Variants in KHDRBS2 observed in about 807,000 individuals in gnomAD.
KHDRBS2 encodes KH RNA binding domain containing, signal transduction associated 2, also known as KH domain-containing, RNA-binding, signal transduction-associated protein 2.
Under a neutral mutation model 44.3 loss-of-function variants are expected in KHDRBS2, and 26 were observed. The ratio of observed to expected loss-of-function variants is 0.59; its 90% CI spans 0.43 to 0.81. The LOEUF (loss-of-function observed/expected upper bound fraction) is 0.81, where lower values mean the gene tolerates loss of function less well. Among genes scored for constraint, KHDRBS2 ranks in the 40% least tolerant of loss-of-function variants. KHDRBS2 has a pLI of 0.00. For synonymous variants in KHDRBS2, 194 were observed against 151.1 expected, an observed-to-expected ratio of 1.28 and a Z score of -2.08; for missense variants, 476 against 433.1, an observed-to-expected ratio of 1.10 and a Z score of -0.88.
chr6:61,829,029 A>G (rs1166580150), intron 6 of KHDRBS2, among the ~76,000 whole-genome samples: 1 of 152,270 alleles, frequency 6.6e-6, no homozygotes, highest in East Asian at 1.9e-4. Context: ...CTTTAACTCC[A>G]GAGAGTTATA....
intron 4 of KHDRBS2, among the ~76,000 whole-genome samples, chr6:61,902,825 C>T (rs1370862636): frequency 6.6e-6 from 1 of 151,698 alleles, no homozygotes; most frequent in Non-Finnish European, 1.5e-5. Flanking sequence ...TAGGGTCACC[C>T]ACACACCTCT....
At chr6:61,769,280 G>C (rs2127575543) in intron 6 of KHDRBS2, among the ~76,000 whole-genome samples, 1 of 152,176 alleles carries the variant, frequency 6.6e-6, no homozygotes. Flanking sequence ...TGAGGTACCG[G>C]GTTCATCTCA....
At chr6:61,706,712 A>T (rs954721703) in intron 7 of KHDRBS2, among the ~76,000 whole-genome samples, 5 of 151,810 alleles carry the variant, frequency 3.3e-5, no homozygotes, top group African/African-American at 1.2e-4. Flanking sequence ...TACCACTTAG[A>T]TATGTTGGAA....
At chr6:61,702,440 C>A (rs1441914291) in intron 7 of KHDRBS2, among the ~76,000 whole-genome samples, 5 of 151,906 alleles carry the variant, frequency 3.3e-5, no homozygotes, top group Non-Finnish European at 5.9e-5. Context: ...CTTGTTTGAG[C>A]CACTGAATTG....
At chr6:62,133,917 C>T (rs1379298593) in intron 2 of KHDRBS2, among the ~76,000 whole-genome samples, 1 of 152,102 alleles carries the variant, frequency 6.6e-6, no homozygotes, top group African/African-American at 2.4e-5. Context: ...GCAAAGCATT[C>T]AAGAGGTGAC....
At position 61,916,965 on chromosome 6, in the gene KHDRBS2, A is replaced by ATTTTTTTTTTTTTTT. The variant is rs10700035; in HGVS notation, c.484-15609_484-15595dup. Among the ~76,000 whole-genome samples, 19 of 90,634 alleles carry ATTTTTTTTTTTTTTT rather than the reference A, an allele frequency of 2.1e-4. 1 individual carries two copies. The highest frequency in any genetic ancestry group is 3.3e-4 in the Non-Finnish European group (16 of 48,048). The allele number at this position is 90,634 out of a possible 152,430, so 59.5% of individuals were successfully genotyped here. A position where few individuals can be genotyped will look rare whatever the true frequency, so the allele number is the denominator to read the frequency against. On this transcript the variant is annotated intron_variant, in intron 4 of 8. Transcript: ENST00000281156. ...GGATGTGGAGAAACAGGAACTCTGT[A>ATTTTTTTTTTTTTTT]TTTTTTTTTTTTTTTTTTTTTTTTG... is the stretch of plus-strand genomic sequence containing the variant.
chr6:61,889,837 C>T (rs1361300859), intron 6 of KHDRBS2, among the ~76,000 whole-genome samples: 4 of 152,208 alleles, frequency 2.6e-5, no homozygotes, highest in Non-Finnish European at 5.9e-5. Flanking sequence ...TTAATGTCCT[C>T]CTTGCTGATC....
At chr6:61,917,981 T>C (rs762707807) in intron 4 of KHDRBS2, among the ~76,000 whole-genome samples, 1 of 151,990 alleles carries the variant, frequency 6.6e-6, no homozygotes, top group Non-Finnish European at 1.5e-5. Context: ...CTCCTCCATA[T>C]ACATTTCTGA....
At chr6:62,209,457 T>C (rs1175986205) in intron 1 of KHDRBS2, among the ~76,000 whole-genome samples, 1 of 152,216 alleles carries the variant, frequency 6.6e-6, no homozygotes, top group Non-Finnish European at 1.5e-5. Context: ...ATAGATGTGT[T>C]TGCGTGTATA....
At chr6:61,592,499 T>A in the KHDRBS2 span, among the ~76,000 whole-genome samples, 29 of 152,168 alleles carry the variant, frequency 1.9e-4, no homozygotes, top group African/African-American at 6.5e-4. Context: ...CTTTCCTAGA[T>A]CTCGATAAAG....
At chr6:61,584,073 ATATT>A in the KHDRBS2 span, among the ~76,000 whole-genome samples, 2 of 151,780 alleles carry the variant, frequency 1.3e-5, no homozygotes, top group Non-Finnish European at 3.0e-5. Context: ...TGTCATTGCT[ATATT>A]TAGTTATTAG....
At chr6:61,856,468 A>G (rs1047012505) in intron 6 of KHDRBS2, among the ~76,000 whole-genome samples, 3 of 152,092 alleles carry the variant, frequency 2.0e-5, no homozygotes, top group Non-Finnish European at 2.9e-5. Context: ...AACTGTTTAA[A>G]TGTCTCCTGT....
chr6:62,131,623 T>C (rs1386564018), intron 2 of KHDRBS2, among the ~76,000 whole-genome samples: 1 of 152,194 alleles, frequency 6.6e-6, no homozygotes, highest in Non-Finnish European at 1.5e-5. Context: ...GGGAAATAGA[T>C]ATCCTCCCCT....
the KHDRBS2 span, among the ~76,000 whole-genome samples, chr6:61,597,755 T>C: frequency 1.8e-5 from 1 of 54,394 alleles, no homozygotes; most frequent in Non-Finnish European, 3.5e-5. Flanking sequence ...TATATATATA[T>C]ATACATATAT....
chr6:62,094,993 T>G (rs1249732294), intron 2 of KHDRBS2, among the ~76,000 whole-genome samples: 1 of 151,992 alleles, frequency 6.6e-6, no homozygotes, highest in Non-Finnish European at 1.5e-5. Flanking sequence ...TAAGGTAGTG[T>G]GCTACCACCA....
At chr6:61,866,580 G>A (rs993578186) in intron 6 of KHDRBS2, among the ~76,000 whole-genome samples, 2 of 152,182 alleles carry the variant, frequency 1.3e-5, no homozygotes, top group African/African-American at 4.8e-5. Context: ...GTAAATTTCT[G>A]CAGCCAGCTT....
rs761166682 is a variant in KHDRBS2, at chr6:61,996,971, C to T, written c.337-18759G>A. On this transcript the variant is annotated intron_variant, in intron 3 of 8. Transcript: ENST00000281156. ...CTAATTTTTGTATTTTTAGGAGAGA[C>T]GGGGTTTCACCATGTTAGCCAGGCT... Among the ~76,000 whole-genome samples the T allele has an allele frequency of 3.4e-4, 52 of 152,130 alleles. 1 individual carries two copies. The highest frequency in any genetic ancestry group is 1.0e-3 in the South Asian group (5 of 4,830).
At chr6:61,561,996 T>C in the KHDRBS2 span, among the ~76,000 whole-genome samples, 1 of 152,096 alleles carries the variant, frequency 6.6e-6, no homozygotes, top group Non-Finnish European at 1.5e-5. Flanking sequence ...ACAGATAAAA[T>C]CACTATAAAC....
Position 61,924,592 on chromosome 6 carries a change from A to G in KHDRBS2, c.484-23221T>C, listed in dbSNP as rs1808628113. Among the ~76,000 whole-genome samples, 3 of 151,960 alleles carry G rather than the reference A, an allele frequency of 2.0e-5. No individual in the cohort carries two copies. In the South Asian group the frequency reaches 6.2e-4, roughly 32 times the overall value. On this transcript the variant is annotated intron_variant, in intron 4 of 8. Coordinates refer to ENST00000281156, the MANE Select transcript of KHDRBS2 (RefSeq NM_152688.4). Reference sequence around the variant, plus strand: ...TTTGATTTTATTCATTGTATCTTTTACTGTTTATTTTTATCATTGTATAGA... The same window carrying G: ...TTTGATTTTATTCATTGTATCTTTTGCTGTTTATTTTTATCATTGTATAGA...
Sources: allele counts gnomAD v4.1 joint callset (sites outside exome capture counted in the v4.1 genomes callset), GRCh38; gene constraint gnomAD v4.1.1; transcripts MANE v1.5; gene names NCBI Gene and HGNC (gene_info 2026-07-23, HGNC 2026-07-21).